The following STAG1 variants were observed in gnomAD, a reference collection of about 807,000 sequenced individuals.
The protein encoded by STAG1 is cohesin subunit SA-1.
Under a neutral mutation model 170.9 loss-of-function variants are expected in STAG1, and 26 were observed. That is an observed-to-expected ratio of 0.15 (90% confidence interval 0.11 to 0.21). The LOEUF (loss-of-function observed/expected upper bound fraction) is 0.21. Ranked by LOEUF, STAG1 falls within the 10% of genes least tolerant of loss-of-function variation. The probability of loss-of-function intolerance (pLI) is 1.00; values close to 1 mark genes in which losing one functional copy is unlikely to be tolerated. For missense variants in STAG1, 964 were observed against 1,509.5 expected (o/e 0.64, Z 5.99); for synonymous variants, 514 against 497.7 (o/e 1.03, Z -0.44).
chr3:136,726,978 C>T (rs2107935938), intron 1 of STAG1, among the ~76,000 whole-genome samples: 1 of 152,262 alleles, frequency 6.6e-6, no homozygotes, highest in South Asian at 2.1e-4. Flanking sequence ...TGTATCTGGA[C>T]CATTCTTGCC....
chr3:136,652,033 A>C (rs1379834133), intron 1 of STAG1, among the ~76,000 whole-genome samples: 1 of 152,248 alleles, frequency 6.6e-6, no homozygotes, highest in African/African-American at 2.4e-5. Flanking sequence ...TAGAAAGATC[A>C]CAGGAAAGTC....
intron 16 of STAG1, among the ~76,000 whole-genome samples, chr3:136,432,160 C>G (rs2088321547): frequency 6.6e-6 from 1 of 152,070 alleles, no homozygotes; most frequent in Admixed American, 6.5e-5. Flanking sequence ...TCATGTTTTT[C>G]TATTGTCTCT....
intron 5 of STAG1, among the ~76,000 whole-genome samples, chr3:136,554,863 C>A (rs760214188): frequency 2.0e-5 from 3 of 151,976 alleles, no homozygotes; most frequent in Non-Finnish European, 4.4e-5. Context: ...GACTCCACTC[C>A]AGCCTGGGTG....
intron 14 of STAG1, among the ~76,000 whole-genome samples, chr3:136,447,129 C>T (rs553175330): frequency 4.2e-4 from 63 of 149,934 alleles, no homozygotes; most frequent in South Asian, 3.3e-3. Context: ...TTAAAAATAT[C>T]GATAAGAAGC....
intron 1 of STAG1, among the ~76,000 whole-genome samples, chr3:136,646,430 C>T (rs1446175172): frequency 6.6e-6 from 1 of 152,136 alleles, no homozygotes; most frequent in Admixed American, 6.5e-5. Flanking sequence ...AAAGTTCATC[C>T]AAAAATAATT....
At chr3:136,583,103 T>C (rs1937629186) in intron 4 of STAG1, among the ~76,000 whole-genome samples, 3 of 152,184 alleles carry the variant, frequency 2.0e-5, no homozygotes, top group Admixed American at 2.0e-4. Flanking sequence ...TTATTTTGAT[T>C]AACCTTAGCA....
chr3:136,684,237 A>T (rs1429549821), intron 1 of STAG1, among the ~76,000 whole-genome samples: 1 of 152,222 alleles, frequency 6.6e-6, no homozygotes, highest in Non-Finnish European at 1.5e-5. Flanking sequence ...GAAGTAGTAT[A>T]ACAGAACAAA....
chr3:136,673,121 C>T (rs936941654), intron 1 of STAG1, among the ~76,000 whole-genome samples: 3 of 152,148 alleles, frequency 2.0e-5, no homozygotes, highest in African/African-American at 7.2e-5. Flanking sequence ...ATCAAAACAA[C>T]ATAGAGAGTT....
At chr3:136,620,146 A>C (rs989325678) in intron 3 of STAG1, among the ~76,000 whole-genome samples, 1 of 152,200 alleles carries the variant, frequency 6.6e-6, no homozygotes. Context: ...GAAACTCCTT[A>C]TATTATTTGT....
intron 13 of STAG1, among the ~76,000 whole-genome samples, chr3:136,460,617 G>A (rs2089246552): frequency 6.6e-6 from 1 of 151,380 alleles, no homozygotes; most frequent in African/African-American, 2.4e-5. Context: ...AAGAAAACCT[G>A]AAGAGACCAA....
intron 4 of STAG1, among the ~76,000 whole-genome samples, chr3:136,599,765 G>C (rs1020956748): frequency 1.3e-5 from 2 of 152,102 alleles, no homozygotes; most frequent in African/African-American, 2.4e-5. Context: ...GTAACATAAT[G>C]TACTGTTTTA....
In STAG1 at chr3:136,420,707, G is replaced by A. The variant is rs1006808142; in HGVS notation, c.2108+386C>T. ...TGCAGCCTTGAACTCCTGGGCTCAA[G>A]TGATCTTCCTTCCTCAACCTCCCAA... On this transcript the variant is annotated intron_variant, in intron 20 of 33. Transcript: ENST00000383202. Among the ~76,000 whole-genome samples the A allele has an allele frequency of 8.5e-5, 13 of 152,360 alleles. No individual in the cohort carries two copies. In the South Asian group the frequency reaches 2.7e-3, roughly 32 times the overall value.
intron 29 of STAG1, among the ~76,000 whole-genome samples, chr3:136,348,182 T>C (rs1936304003): frequency 6.6e-6 from 1 of 152,190 alleles, no homozygotes; most frequent in Admixed American, 6.5e-5. Context: ...GAAAATTTAT[T>C]AGAAGCATGA....
intron 1 of STAG1, chr3:136,721,563 T>C (rs1434165016): frequency 2.0e-5 from 3 of 152,108 alleles, no homozygotes; most frequent in South Asian, 2.1e-4. Flanking sequence ...TGAAGTTAAA[T>C]AATTTGGTTC....
chr3:136,523,569 C>A (rs912329212), intron 6 of STAG1, among the ~76,000 whole-genome samples: 4 of 152,162 alleles, frequency 2.6e-5, no homozygotes, highest in Non-Finnish European at 4.4e-5. Context: ...ATGGTAGTTT[C>A]TTTTGCTGTG....
At chr3:136,486,070 TTCAG>T (rs2090005640) in intron 9 of STAG1, among the ~76,000 whole-genome samples, 1 of 152,178 alleles carries the variant, frequency 6.6e-6, no homozygotes, top group African/African-American at 2.4e-5. Context: ...ATAAAATTGA[TTCAG>T]TGAGTGGCAA....
Position 136,377,829 on chromosome 3 carries a change from A to C in STAG1, c.2278-77T>G. ...TGATCTAGAAGAAACAGTAAGTGGA[A>C]AATAGCAAAACTGGTTTATTCTCAA... On this transcript the variant is annotated intron_variant, in intron 22 of 33. Transcript: ENST00000383202. 4 of 1,212,582 alleles carry C rather than the reference A, an allele frequency of 3.3e-6. 1 individual carries two copies. The South Asian group carries it at 4.9e-5, about 15-fold the overall frequency. The allele number at this position is 1,212,582 out of a possible 1,614,324, so 75.1% of individuals were successfully genotyped here. A position where few individuals can be genotyped will look rare whatever the true frequency, so the allele number is the denominator to read the frequency against.
intron 4 of STAG1, among the ~76,000 whole-genome samples, chr3:136,581,743 T>C (rs902416486): frequency 1.3e-5 from 2 of 152,090 alleles, no homozygotes; most frequent in Non-Finnish European, 2.9e-5. Flanking sequence ...TGAAAAATTA[T>C]AACACAATCA....
chr3:136,377,775 C>T (rs761883147), intron 22 of STAG1, 23 bp from the exon 23 acceptor site: 3 of 1,596,502 alleles, frequency 1.9e-6, no homozygotes, highest in Non-Finnish European at 2.6e-6. Flanking sequence ...TTCAAATTTG[C>T]AAGCGTGAAT....
Sources: gnomAD v4.1 joint callset for allele counts (sites outside exome capture counted in the v4.1 genomes callset) on GRCh38, gnomAD v4.1.1 for gene constraint, MANE v1.5 for transcripts, NCBI Gene and HGNC (gene_info 2026-07-23, HGNC 2026-07-21) for gene names.